CPAMD8: variants seen among roughly 807,000 people sequenced by gnomAD.
The protein encoded by CPAMD8 is C3 and PZP like alpha-2-macroglobulin domain containing 8.
Under a neutral mutation model 224.7 loss-of-function variants are expected in CPAMD8, and 146 were observed. The ratio of observed to expected loss-of-function variants is 0.65; its 90% CI spans 0.57 to 0.75. The LOEUF (loss-of-function observed/expected upper bound fraction) is 0.75. Ranked by LOEUF, CPAMD8 falls within the 30% of genes least tolerant of loss-of-function variation. CPAMD8 has a pLI of 0.00. For missense variants in CPAMD8, 2,301 were observed against 2,537.5 expected (o/e 0.91, Z 2.00); for synonymous variants, 966 against 1,044.6 (o/e 0.92, Z 1.45).
At chr19:16,973,077 G>A (rs1372548507) in intron 17 of CPAMD8, among the ~76,000 whole-genome samples, 1 of 152,118 alleles carries the variant, frequency 6.6e-6, no homozygotes. Context: ...GCTGAGGCAG[G>A]AGGATCGCTT....
At chr19:17,002,420 G>A (rs2056357458) in intron 8 of CPAMD8, 70 bp from the exon 9 acceptor site, 3 of 1,011,332 alleles carry the variant, frequency 3.0e-6, no homozygotes, top group Non-Finnish European at 4.6e-6. Flanking sequence ...CCTGACACCG[G>A]TGCAAGGTGT....
At chr19:16,968,455 C>T (rs55852630) in intron 18 of CPAMD8, among the ~76,000 whole-genome samples, 6,492 of 152,036 alleles carry the variant, frequency 0.043, 462 homozygotes, top group African/African-American at 0.15. Context: ...TCAGGGCTGG[C>T]CACCAAATCA....
Position 16,954,750 on chromosome 19 carries a change from C to T in CPAMD8, c.2277-2550G>A, listed in dbSNP as rs529081131. ...CTGTAATCCCAGCACTTTGGGAGGC[C>T]GAGGGGGGTGGATCACGAGGTCAGG... On this transcript the variant is annotated intron_variant, in intron 19 of 41. Coordinates refer to ENST00000443236, the MANE Select transcript of CPAMD8 (RefSeq NM_015692.5). Among the ~76,000 whole-genome samples the T allele has an allele frequency of 1.7e-4, 26 of 152,160 alleles. 1 individual carries two copies. Among genetic ancestry groups the T allele is most frequent in the East Asian group, 1.4e-3 (7 of 5,156 alleles).
intron 13 of CPAMD8, among the ~76,000 whole-genome samples, chr19:16,987,179 A>AATATATATATAT (rs775029154): frequency 9.8e-4 from 53 of 53,908 alleles, no homozygotes; most frequent in African/African-American, 1.4e-3. Flanking sequence ...AAAAAAAAAA[A>AATATATATATAT]ATATATATAT....
chr19:16,982,366 T>G (rs374065378), intron 13 of CPAMD8, among the ~76,000 whole-genome samples: 7 of 152,144 alleles, frequency 4.6e-5, no homozygotes, highest in African/African-American at 1.2e-4. Context: ...CACCCTAGCC[T>G]GGGCAACAGA....
chr19:16,981,653 AG>A (rs1169796692), intron 13 of CPAMD8, among the ~76,000 whole-genome samples: 1 of 152,106 alleles, frequency 6.6e-6, no homozygotes, highest in East Asian at 1.9e-4. Context: ...AGATCTCCCT[AG>A]GGGGTTGGCG....
chr19:16,935,834 A>G (rs1487021574), intron 23 of CPAMD8, among the ~76,000 whole-genome samples: 1 of 152,186 alleles, frequency 6.6e-6, no homozygotes, highest in African/African-American at 2.4e-5. Context: ...ACTGTTTTTA[A>G]AAACTACCAA....
At chr19:16,944,469 G>A (rs1436027750) in intron 22 of CPAMD8, among the ~76,000 whole-genome samples, 3 of 152,150 alleles carry the variant, frequency 2.0e-5, no homozygotes, top group East Asian at 1.9e-4. Context: ...CCTTCTGTAA[G>A]GGGAGGAGGC....
intron 7 of CPAMD8, among the ~76,000 whole-genome samples, chr19:17,006,437 C>G (rs1178819796): frequency 6.6e-6 from 1 of 151,492 alleles, no homozygotes; most frequent in Admixed American, 6.6e-5. Context: ...GTGGGAGGAT[C>G]ACTTGAACCC....
At chr19:16,906,390 CTTTCTTTCTTTCTTTCT>C (rs1568459643) in intron 30 of CPAMD8, among the ~76,000 whole-genome samples, 43 of 78,572 alleles carry the variant, frequency 5.5e-4, no homozygotes, top group Non-Finnish European at 7.9e-4. Context: ...TTCTTTCTTT[CTTTCTTTCTTTCTTTCT>C]TTCCTTCCTT....
In CPAMD8 at chr19:16,912,631, C is replaced by T. The variant is rs554175487; in HGVS notation, c.3861+1793G>A. On this transcript the variant is annotated intron_variant, in intron 29 of 41. Coordinates refer to ENST00000443236, the MANE Select transcript of CPAMD8 (RefSeq NM_015692.5). ...GGATGCAGTGGCACATGCCTGTAGT[C>T]CCAGCTACTCGGGAGTCTGAAGCTG... Among the ~76,000 whole-genome samples the T allele has an allele frequency of 8.5e-5, 13 of 152,242 alleles. No homozygotes were observed. In the South Asian group the frequency reaches 1.7e-3, roughly 19 times the overall value.
At chr19:16,940,253 C>G (rs545741907) in intron 22 of CPAMD8, among the ~76,000 whole-genome samples, 12 of 152,192 alleles carry the variant, frequency 7.9e-5, no homozygotes. Flanking sequence ...GTAAACTTCT[C>G]GGCTTCCATA....
In CPAMD8 at chr19:16,937,900, G is replaced by A. The variant is rs942392433; in HGVS notation, c.2845+495C>T. Among the ~76,000 whole-genome samples, 112 of 152,178 alleles carry A rather than the reference G, an allele frequency of 7.4e-4. 1 individual carries two copies. Among genetic ancestry groups the A allele is most frequent in the Admixed American group, 1.1e-3 (17 of 15,280 alleles). Reference sequence around the variant, plus strand: ...AAACTCCTAACCTTGTGATCCACCCGCCTCGGCCTCCCAGAGTGCTGGGAT... The same window carrying A: ...AAACTCCTAACCTTGTGATCCACCCACCTCGGCCTCCCAGAGTGCTGGGAT... On this transcript the variant is annotated intron_variant, in intron 23 of 41. Coordinates refer to ENST00000443236, the MANE Select transcript of CPAMD8 (RefSeq NM_015692.5).
intron 13 of CPAMD8, among the ~76,000 whole-genome samples, chr19:16,986,206 G>A (rs1363616593): frequency 6.6e-6 from 1 of 152,086 alleles, no homozygotes; most frequent in Non-Finnish European, 1.5e-5. Flanking sequence ...AGAAGAAGAG[G>A]AAGAGGTCCC....
intron 21 of CPAMD8, among the ~76,000 whole-genome samples, chr19:16,945,935 ACGTGTGTGCATTTGTGTGCACGAGTT>A (rs1466060853): frequency 1.3e-5 from 2 of 152,084 alleles, no homozygotes; most frequent in Admixed American, 1.3e-4. Flanking sequence ...GTGCATATGC[ACGTGTGTGCATTTGTGTGCACGAGTT>A]TGTGTGTGCA....
chr19:17,022,081 G>A lies in CPAMD8; in HGVS notation c.193C>T (p.Gln65Ter). Residue 65 changes from glutamine to a stop codon, truncating the protein, a stop_gained, in exon 2 of 42, where the codon CAG becomes TAG. Coordinates refer to ENST00000443236, the MANE Select transcript of CPAMD8 (RefSeq NM_015692.5). LOFTEE classifies it high-confidence loss of function. ...ACCGGCTCACCCTGGGCCACCAGCT[G>A]AGCCTGGACCGTGACTTCCCTTGGA... The part of the protein sequence containing the change: ...NSPREVTVQA[Q>*]LVAQGEPVVQ... 1.2e-6 allele frequency: 2 copies of A among 1,606,112 alleles called. No individual in the cohort carries two copies. Among genetic ancestry groups the A allele is most frequent in the East Asian group, 2.2e-5 (1 of 44,702 alleles).
At chr19:16,904,086 C>A (rs2144745686) in intron 32 of CPAMD8, 140 bp downstream of exon 32, 2 of 1,051,158 alleles carry the variant, frequency 1.9e-6, no homozygotes, top group Non-Finnish European at 2.7e-6. Context: ...CTGTCCCTCA[C>A]CCCCAACCCC....
intron 32 of CPAMD8, 106 bp from the exon 33 acceptor site, chr19:16,903,963 G>T: frequency 8.4e-7 from 1 of 1,185,266 alleles, no homozygotes; most frequent in Non-Finnish European, 1.2e-6. Flanking sequence ...CAACGGGGCT[G>T]GAATAGAGAC....
intron 18 of CPAMD8, among the ~76,000 whole-genome samples, chr19:16,962,906 G>T (rs2054703450): frequency 6.6e-6 from 1 of 152,154 alleles, no homozygotes; most frequent in Admixed American, 6.6e-5. Context: ...TTAAAGAAAA[G>T]AATTCTCAAT....
Sources: allele counts gnomAD v4.1 joint callset (sites outside exome capture counted in the v4.1 genomes callset), GRCh38; gene constraint gnomAD v4.1.1; transcripts MANE v1.5; gene names NCBI Gene and HGNC (gene_info 2026-07-23, HGNC 2026-07-21).